The following FGD6 variants were observed in gnomAD, a reference collection of about 807,000 sequenced individuals.
The protein encoded by FGD6 is FYVE, RhoGEF and PH domain containing 6.
FGD6 carries 90 observed loss-of-function variants against 149.4 expected under a neutral mutation model. The observed-to-expected ratio is 0.60, with a 90% CI of 0.51 to 0.72. The LOEUF is 0.72. Among genes scored for constraint, FGD6 ranks in the 30% least tolerant of loss-of-function variants. The pLI is 0.00. For missense variants in FGD6, 1,437 were observed against 1,684.8 expected (o/e 0.85, Z 2.57); for synonymous variants, 527 against 584.0 (o/e 0.90, Z 1.41).
At chr12:95,193,079 G>A (rs1054187411) in intron 2 of FGD6, among the ~76,000 whole-genome samples, 2 of 152,156 alleles carry the variant, frequency 1.3e-5, no homozygotes, top group African/African-American at 4.8e-5. Flanking sequence ...ACCTACTCTG[G>A]AAAACAGTTT....
At chr12:95,160,999 G>A (rs957161322) in intron 3 of FGD6, among the ~76,000 whole-genome samples, 1 of 151,986 alleles carries the variant, frequency 6.6e-6, no homozygotes. Flanking sequence ...GGCCAACATG[G>A]TGAAACCCCG....
chr12:95,134,921 C>T, intron 7 of FGD6, 95 bp from the exon 8 acceptor site: 1 of 898,710 alleles, frequency 1.1e-6, no homozygotes, highest in Non-Finnish European at 1.7e-6. Flanking sequence ...AAACATCAAG[C>T]AACTCTGGAA....
chr12:95,132,647 G>C (rs1026798614), intron 8 of FGD6, among the ~76,000 whole-genome samples: 2 of 152,160 alleles, frequency 1.3e-5, no homozygotes, highest in Non-Finnish European at 2.9e-5. Context: ...AGCTACTCGG[G>C]AGGCTGAGGC....
In FGD6 at chr12:95,137,690, G is replaced by A; in HGVS notation, c.2838-12C>T. 1 of 1,543,000 alleles carries A rather than the reference G, an allele frequency of 6.5e-7. No homozygotes were observed. The highest frequency in any genetic ancestry group is 8.7e-7 in the Non-Finnish European group (1 of 1,145,198). ...TTTGTTGTTCAGTCCTATGGATAGA[G>A]AAGAGATACACAAAAAAATATAAAG... On this transcript the variant is annotated splice_polypyrimidine_tract_variant and intron_variant, in intron 6 of 20. Coordinates refer to ENST00000343958, the MANE Select transcript of FGD6 (RefSeq NM_018351.4).
chr12:95,195,907 C>G (rs1008748419), intron 2 of FGD6, among the ~76,000 whole-genome samples: 2 of 151,152 alleles, frequency 1.3e-5, no homozygotes, highest in Admixed American at 6.6e-5. Flanking sequence ...CAAGTAAAAC[C>G]GGGGGAATCT....
At chr12:95,108,783 T>C (rs1340950577) in intron 9 of FGD6, among the ~76,000 whole-genome samples, 1 of 151,704 alleles carries the variant, frequency 6.6e-6, no homozygotes, top group African/African-American at 2.4e-5. Context: ...AAACAATATA[T>C]AGGGAAACAA....
In FGD6 at chr12:95,209,173, C is replaced by T; in HGVS notation, c.2111G>A (p.Arg704Lys). 1 of 1,614,136 alleles carries T rather than the reference C, an allele frequency of 6.2e-7. No homozygotes were observed. Among genetic ancestry groups the T allele is most frequent in the Non-Finnish European group, 8.5e-7 (1 of 1,180,030 alleles). The change falls in exon 2 of 21, where the codon AGG becomes AAG. Residue 704 changes from arginine to lysine, a missense_variant. Arg to Lys is a conservative substitution (Grantham distance 26). Transcript: ENST00000343958. Reference protein sequence around the residue: ...ENYSLESQKKRKKSRGQTSAA... With the variant: ...ENYSLESQKKKKKSRGQTSAA... ...ACTGGTCTGGCCCCGAGACTTCTTC[C>T]TCTTCTTTTGAGATTCCAGGCTATA...
chr12:95,111,928 A>G (rs138540864), intron 9 of FGD6, among the ~76,000 whole-genome samples: 44 of 152,242 alleles, frequency 2.9e-4, no homozygotes, highest in African/African-American at 1.0e-3. Flanking sequence ...CTGCAAATGT[A>G]AAGGATATAC....
rs1877790835 is a variant in FGD6, at chr12:95,084,393, G to A, written c.4256+105C>T. 3.3e-6 allele frequency: 3 copies of A among 918,276 alleles called. No homozygotes were observed. The South Asian group carries it at 7.2e-5, about 22-fold the overall frequency. The allele number at this position is 918,276 out of a possible 1,614,324, so 56.9% of individuals were successfully genotyped here. A position where few individuals can be genotyped will look rare whatever the true frequency, so the allele number is the denominator to read the frequency against. ...AATCTTTCTAATTAAAATCTCTGAT[G>A]TAAATTTTGAGTTGTCCCCATGCCT... On this transcript the variant is annotated intron_variant, in intron 20 of 20. Coordinates refer to ENST00000343958, the MANE Select transcript of FGD6 (RefSeq NM_018351.4).
chr12:95,216,615 T>C lies in FGD6; in HGVS notation c.16+610A>G, dbSNP rs2056792101. ...GAGGCAGACAGAAAATAAAGCTTTG[T>C]TTACCCTAATCAGGTAGAAACAAAC... On this transcript the variant is annotated intron_variant, in intron 1 of 20. Coordinates refer to ENST00000343958, the MANE Select transcript of FGD6 (RefSeq NM_018351.4). Among the ~76,000 whole-genome samples the C allele has an allele frequency of 2.0e-5, 3 of 149,716 alleles. No individual in the cohort carries two copies. In the Admixed American group the frequency reaches 2.0e-4, roughly 10 times the overall value.
chr12:95,087,927 GAA>G (rs948367135), intron 18 of FGD6, among the ~76,000 whole-genome samples: 89 of 151,196 alleles, frequency 5.9e-4, no homozygotes, highest in Middle Eastern at 6.8e-3. Context: ...CTATCTCAGT[GAA>G]AAAAAAGAGG....
chr12:95,136,294 G>A (rs370722846), intron 7 of FGD6, among the ~76,000 whole-genome samples: 1 of 151,478 alleles, frequency 6.6e-6, no homozygotes. Context: ...GGAGGCAGAG[G>A]TTGCAGTGAG....
chr12:95,169,556 G>A (rs537778420), intron 3 of FGD6, among the ~76,000 whole-genome samples: 2 of 152,078 alleles, frequency 1.3e-5, no homozygotes, highest in African/African-American at 2.4e-5. Context: ...TCAACCAGGC[G>A]GTGTTATCAC....
At chr12:95,217,093 G>C in intron 1 of FGD6, 132 bp downstream of exon 1, 1 of 1,384,240 alleles carries the variant, frequency 7.2e-7, no homozygotes, top group Non-Finnish European at 9.9e-7. Flanking sequence ...TTAGCTCCGC[G>C]CTTGCCGAGG....
rs777276246 is a variant in FGD6, at chr12:95,153,028, AAAG to A, written c.2587-38_2587-36del. ...AGAGCACATTTAACATGAACTCATA[AAAG>A]AATAATGAAGATCAGCTATGAGCTA... On this transcript the variant is annotated intron_variant, in intron 3 of 20. Transcript: ENST00000343958. The A allele has an allele frequency of 5.7e-6, 9 of 1,585,470 alleles. No individual in the cohort carries two copies. In the South Asian group the frequency reaches 8.9e-5, roughly 16 times the overall value.
intron 14 of FGD6, chr12:95,100,875 G>T: frequency 2.6e-6 from 1 of 383,558 alleles, no homozygotes. Context: ...TGGAAGAAAA[G>T]GGAATGGGTG....
rs1191736826 is a variant in FGD6, at chr12:95,127,119, C to CA, written c.3082+7619_3082+7620insT. Among the ~76,000 whole-genome samples, 255 of 145,818 alleles carry CA rather than the reference C, an allele frequency of 1.7e-3. 1 individual carries two copies. The highest frequency in any genetic ancestry group is 5.0e-3 in the African/African-American group (201 of 39,850). On this transcript the variant is annotated intron_variant, in intron 8 of 20. Coordinates refer to ENST00000343958, the MANE Select transcript of FGD6 (RefSeq NM_018351.4). ...TTGTCTGGAGTGCAGGACAGCCCTACTTTTTTTTTTTTTTAAATCAAGTTC... is the reference window on the plus strand; with the variant it reads ...TTGTCTGGAGTGCAGGACAGCCCTACATTTTTTTTTTTTTTAAATCAAGTTC...
intron 20 of FGD6, among the ~76,000 whole-genome samples, chr12:95,083,875 A>G (rs1865151): frequency 0.12 from 18,035 of 152,236 alleles, 1,677 homozygotes; most frequent in African/African-American, 0.26. Flanking sequence ...TATTTTGTTC[A>G]AAAGAGACCT....
chr12:95,172,652 T>A lies in FGD6; in HGVS notation c.2534A>T (p.Asp845Val). ...EEIINSSDED[D>V]VSSESSKGEP... Reference sequence around the variant, plus strand: ...TCCTTTACTTGACTCAGAGCTGACATCATCTTCATCAGAACTGTTGATGAT... The same window carrying A: ...TCCTTTACTTGACTCAGAGCTGACAACATCTTCATCAGAACTGTTGATGAT... The change falls in exon 3 of 21, where the codon GAT becomes GTT. Residue 845 changes from aspartate (D) to valine (V), a missense_variant. This residue lies in a region of FGD6 where 1,055 missense variants were observed against 1,146.0 expected (regional missense o/e 0.92). Transcript: ENST00000343958. The A allele has an allele frequency of 6.2e-7, 1 of 1,613,456 alleles. No individual in the cohort carries two copies. The highest frequency in any genetic ancestry group is 8.5e-7 in the Non-Finnish European group (1 of 1,179,682).
Sources: gnomAD v4.1 joint callset for allele counts (sites outside exome capture counted in the v4.1 genomes callset) on GRCh38, gnomAD v4.1.1 for gene constraint, gnomAD v4.1.1 regional missense constraint, MANE v1.5 for transcripts, NCBI Gene and HGNC (gene_info 2026-07-23, HGNC 2026-07-21) for gene names.